Variants in DOK6 observed in about 807,000 individuals in gnomAD.
DOK6 encodes the protein downstream of tyrosine kinase 6.
In DOK6, 22 loss-of-function variants were observed where a neutral mutation model predicts 44.0. The observed-to-expected ratio is 0.50, with a 90% CI of 0.36 to 0.71. DOK6 has a LOEUF of 0.71. Among genes scored for constraint, DOK6 ranks in the 30% least tolerant of loss-of-function variants. The probability of loss-of-function intolerance (pLI) is 0.00; values close to 1 mark genes in which losing one functional copy is unlikely to be tolerated. For synonymous variants in DOK6, 166 were observed against 145.5 expected (o/e 1.14, Z -1.01); for missense variants, 340 against 416.4 (o/e 0.82, Z 1.60).
rs1599173205 is a variant in DOK6 at position 69,525,154 on chromosome 18, C to T, written c.67-39333C>T. Reference sequence around the variant, plus strand: ...AGAAATGGAAAATGACTTGATTTTGCTAAGTAATCTTTGTTTATAGTTTTA... The same window carrying T: ...AGAAATGGAAAATGACTTGATTTTGTTAAGTAATCTTTGTTTATAGTTTTA... On this transcript the variant is annotated intron_variant, in intron 1 of 7. Coordinates refer to ENST00000382713, the MANE Select transcript of DOK6 (RefSeq NM_152721.6). Among the ~76,000 whole-genome samples the T allele has an allele frequency of 1.3e-5, 2 of 151,814 alleles. 1 individual carries two copies. Among genetic ancestry groups the T allele is most frequent in the Middle Eastern group, 6.8e-3 (2 of 292 alleles).
chr18:69,604,092 C>T (rs1424465089), intron 3 of DOK6, among the ~76,000 whole-genome samples: 1 of 152,012 alleles, frequency 6.6e-6, no homozygotes, highest in African/African-American at 2.4e-5. Flanking sequence ...AAACTGAACC[C>T]TGCAATTATT....
intron 7 of DOK6, among the ~76,000 whole-genome samples, chr18:69,768,866 G>A (rs989390295): frequency 6.0e-5 from 9 of 151,166 alleles, no homozygotes; most frequent in Admixed American, 1.3e-4. Context: ...TTGTTGCTTC[G>A]AACTTCGAAC....
rs56935176 is a variant in DOK6 at position 69,525,847 on chromosome 18, A to G, written c.67-38640A>G. 7.2e-3 allele frequency among the ~76,000 whole-genome samples: 1,090 copies of G among 152,178 alleles called. 8 individuals carry two copies. The highest frequency in any genetic ancestry group is 0.025 in the African/African-American group (1,039 of 41,544). ...AATATTCTATCCTTTAATTTTTCCAACCATTTAAAAACGCTACAACTTTTC... is the reference window on the plus strand; with the variant it reads ...AATATTCTATCCTTTAATTTTTCCAGCCATTTAAAAACGCTACAACTTTTC... On this transcript the variant is annotated intron_variant, in intron 1 of 7. Transcript: ENST00000382713.
chr18:69,435,089 AGGAAAG>A (rs1568256634), intron 1 of DOK6, among the ~76,000 whole-genome samples: 140 of 150,272 alleles, frequency 9.3e-4, no homozygotes, highest in African/African-American at 2.5e-3. Context: ...GAAGGAAGGA[AGGAAAG>A]AAGGAAGAAA....
At chr18:69,576,057 A>G (rs1261682700) in intron 2 of DOK6, among the ~76,000 whole-genome samples, 2 of 152,024 alleles carry the variant, frequency 1.3e-5, no homozygotes, top group Admixed American at 6.6e-5. Flanking sequence ...AGAATCATTA[A>G]CCCTTTTTCT....
chr18:69,437,200 C>T (rs2607096), intron 1 of DOK6, among the ~76,000 whole-genome samples: 1 of 152,120 alleles, frequency 6.6e-6, no homozygotes, highest in Non-Finnish European at 1.5e-5. Context: ...GTTGTCATTG[C>T]TTTTGGTGTT....
intron 5 of DOK6, among the ~76,000 whole-genome samples, chr18:69,718,579 C>T (rs1029378195): frequency 6.6e-6 from 1 of 151,926 alleles, no homozygotes; most frequent in Non-Finnish European, 1.5e-5. Flanking sequence ...ATTATGAGGC[C>T]CCTATTTAGC....
At chr18:69,407,165 CTT>C (rs1369192942) in intron 1 of DOK6, among the ~76,000 whole-genome samples, 2 of 152,278 alleles carry the variant, frequency 1.3e-5, no homozygotes, top group Non-Finnish European at 1.5e-5. Flanking sequence ...GCATTGCCCT[CTT>C]TGGATCATAA....
At chr18:69,497,826 C>T (rs1258471401) in intron 1 of DOK6, among the ~76,000 whole-genome samples, 1 of 151,916 alleles carries the variant, frequency 6.6e-6, no homozygotes, top group Non-Finnish European at 1.5e-5. Flanking sequence ...CATTCTATGC[C>T]TTAAAAAAAG....
intron 1 of DOK6, among the ~76,000 whole-genome samples, chr18:69,554,982 G>A (rs1173119646): frequency 6.6e-6 from 1 of 152,042 alleles, no homozygotes; most frequent in Non-Finnish European, 1.5e-5. Flanking sequence ...TGGATTGTCT[G>A]TCTTCTTTTG....
intron 3 of DOK6, among the ~76,000 whole-genome samples, chr18:69,636,590 G>A (rs895519720): frequency 1.3e-5 from 2 of 152,262 alleles, no homozygotes; most frequent in Non-Finnish European, 2.9e-5. Context: ...AAGAAGAGTT[G>A]TCTTAGTGAC....
intron 5 of DOK6, among the ~76,000 whole-genome samples, chr18:69,707,912 A>C (rs1196174813): frequency 6.6e-6 from 1 of 152,132 alleles, no homozygotes; most frequent in East Asian, 1.9e-4. Flanking sequence ...ATAAAATATG[A>C]GTTGGACTTC....
At position 69,702,320 on chromosome 18, in the gene DOK6, G is replaced by A. The variant is rs147334946; in HGVS notation, c.599+3727G>A. On this transcript the variant is annotated intron_variant, in intron 5 of 7. Coordinates refer to ENST00000382713, the MANE Select transcript of DOK6 (RefSeq NM_152721.6). ...ATCTACCAGAAGGTGTACACAGTAG[G>A]TTTTTAGACAACAAGGTCTCGTGTT... 6.3e-3 allele frequency among the ~76,000 whole-genome samples: 955 copies of A among 152,136 alleles called. 6 individuals are homozygous for A. The highest frequency in any genetic ancestry group is 0.021 in the African/African-American group (887 of 41,496).
rs571562982 is a variant in DOK6, at chr18:69,637,993, C to T, written c.289+38495C>T. On this transcript the variant is annotated intron_variant, in intron 3 of 7. Coordinates refer to ENST00000382713, the MANE Select transcript of DOK6 (RefSeq NM_152721.6). ...CATACCTTGGTTTCAAAAAGTTGAG[C>T]GTCGTACTCTAGGCCCACTGCTGTT... is the stretch of plus-strand genomic sequence containing the variant. Among the ~76,000 whole-genome samples, 9 of 152,114 alleles carry T rather than the reference C, an allele frequency of 5.9e-5. No homozygotes were observed. In the South Asian group the frequency reaches 6.2e-4, roughly 11 times the overall value.
intron 3 of DOK6, among the ~76,000 whole-genome samples, chr18:69,611,273 C>T (rs1173288712): frequency 1.3e-5 from 2 of 152,110 alleles, no homozygotes; most frequent in Non-Finnish European, 2.9e-5. Flanking sequence ...CACCTGTCAG[C>T]ATGACTGACA....
intron 7 of DOK6, among the ~76,000 whole-genome samples, chr18:69,835,128 G>A (rs1190551609): frequency 6.6e-6 from 1 of 152,124 alleles, no homozygotes; most frequent in Non-Finnish European, 1.5e-5. Context: ...CAATTCAAGA[G>A]GAGATTTGGG....
chr18:69,774,151 T>TGAG (rs1599318365), intron 7 of DOK6, among the ~76,000 whole-genome samples: 18 of 123,998 alleles, frequency 1.5e-4, no homozygotes, highest in Non-Finnish European at 2.5e-4. Context: ...TATATATATA[T>TGAG]ATATAATGTA....
At chr18:69,820,864 A>AGG (rs1430287650) in intron 7 of DOK6, among the ~76,000 whole-genome samples, 1 of 152,034 alleles carries the variant, frequency 6.6e-6, no homozygotes, top group Non-Finnish European at 1.5e-5. Flanking sequence ...GGACGCATAG[A>AGG]GGGGAACAAC....
chr18:69,742,083 T>C (rs1185843280), intron 6 of DOK6, among the ~76,000 whole-genome samples: 3 of 152,152 alleles, frequency 2.0e-5, no homozygotes, highest in African/African-American at 7.2e-5. Context: ...AATTAGGACA[T>C]TTCTATTCTT....
Sources: allele counts gnomAD v4.1 joint callset (sites outside exome capture counted in the v4.1 genomes callset), GRCh38; gene constraint gnomAD v4.1.1; transcripts MANE v1.5; gene names NCBI Gene and HGNC (gene_info 2026-07-23, HGNC 2026-07-21).